Variants in RNF150 observed in about 807,000 individuals in gnomAD.
The protein encoded by RNF150 is ring finger protein 150.
Under a neutral mutation model 39.3 loss-of-function variants are expected in RNF150, and 24 were observed. The ratio of observed to expected loss-of-function variants is 0.61; its 90% CI spans 0.44 to 0.86. The LOEUF is 0.86. Ranked by LOEUF, RNF150 falls within the 40% of genes least tolerant of loss-of-function variation. The probability of loss-of-function intolerance (pLI) is 0.00; values close to 1 mark genes in which losing one functional copy is unlikely to be tolerated. For missense variants in RNF150, 502 were observed against 587.8 expected (o/e 0.85, Z 1.51); for synonymous variants, 255 against 227.3 (o/e 1.12, Z -1.10).
intron 1 of RNF150, among the ~76,000 whole-genome samples, chr4:141,194,029 T>C (rs2111206107): frequency 6.6e-6 from 1 of 152,354 alleles, no homozygotes; most frequent in Non-Finnish European, 1.5e-5. Context: ...CACATGGTTT[T>C]ATAAAACTTG....
intron 6 of RNF150, among the ~76,000 whole-genome samples, chr4:140,870,519 T>A (rs1728888895): frequency 6.6e-6 from 1 of 152,100 alleles, no homozygotes; most frequent in Non-Finnish European, 1.5e-5. Context: ...CAGAGCCACC[T>A]GGTGCCTTTG....
At chr4:140,965,020 G>A (rs1216105718) in intron 2 of RNF150, among the ~76,000 whole-genome samples, 4 of 151,986 alleles carry the variant, frequency 2.6e-5, no homozygotes, top group African/African-American at 9.7e-5. Flanking sequence ...AAAAAATAAT[G>A]TCAGCTCTCT....
At chr4:140,927,124 T>A (rs1432760567) in intron 4 of RNF150, among the ~76,000 whole-genome samples, 1 of 152,144 alleles carries the variant, frequency 6.6e-6, no homozygotes, top group African/African-American at 2.4e-5. Flanking sequence ...TACCTCCAAA[T>A]CAGAGAAGAG....
chr4:141,176,545 A>C (rs1014202254), intron 1 of RNF150, among the ~76,000 whole-genome samples: 2 of 152,196 alleles, frequency 1.3e-5, no homozygotes, highest in African/African-American at 4.8e-5. Flanking sequence ...AAAGCAGGTA[A>C]AAATCTGATG....
chr4:141,048,538 C>T (rs1387045195), intron 1 of RNF150, among the ~76,000 whole-genome samples: 1 of 152,064 alleles, frequency 6.6e-6, no homozygotes, highest in Admixed American at 6.6e-5. Context: ...TGAGACCATC[C>T]TGAACAACAT....
chr4:141,051,059 G>A (rs1736758810), intron 1 of RNF150, among the ~76,000 whole-genome samples: 1 of 152,142 alleles, frequency 6.6e-6, no homozygotes, highest in African/African-American at 2.4e-5. Context: ...TGACTTCTGT[G>A]CACCCACAGG....
intron 6 of RNF150, among the ~76,000 whole-genome samples, chr4:140,878,465 G>A (rs1387248598): frequency 1.3e-5 from 2 of 152,100 alleles, no homozygotes; most frequent in East Asian, 3.9e-4. Flanking sequence ...AAACCACTGT[G>A]CCTGGCCTCA....
intron 5 of RNF150, among the ~76,000 whole-genome samples, chr4:140,915,538 T>A (rs1220205701): frequency 6.6e-6 from 1 of 152,252 alleles, no homozygotes; most frequent in African/African-American, 2.4e-5. Flanking sequence ...TATGCCTTCA[T>A]GCTTTGTGAG....
At chr4:140,996,848 G>C (rs1734395418) in intron 1 of RNF150, 1 of 152,244 alleles carries the variant, frequency 6.6e-6, no homozygotes, top group African/African-American at 2.4e-5. Context: ...GAGAAAAGCA[G>C]TCATCAGGAA....
intron 1 of RNF150, among the ~76,000 whole-genome samples, chr4:140,976,635 C>T (rs1733674589): frequency 6.6e-6 from 1 of 151,820 alleles, no homozygotes; most frequent in African/African-American, 2.4e-5. Context: ...CAGTCATGCC[C>T]ACCCTATTAC....
rs1043368105 is a variant in RNF150, at chr4:141,176,995, T to C, written c.-6+35799A>G. On this transcript the variant is annotated intron_variant, in intron 1 of 7. Coordinates refer to the RNF150 transcript ENST00000420921. The stretch of plus-strand genomic sequence containing the variant: ...TTTTGGGAGGCCAAGGCAGGAGAAT[T>C]GCTTGAGGCCAAGAGTTTGAGACCA... Among the ~76,000 whole-genome samples, 3 of 147,954 alleles carry C rather than the reference T, an allele frequency of 2.0e-5. No individual in the cohort carries two copies. In the South Asian group the frequency reaches 6.4e-4, roughly 31 times the overall value.
intron 6 of RNF150, among the ~76,000 whole-genome samples, chr4:140,889,003 C>T (rs528107749): frequency 1.3e-5 from 2 of 152,032 alleles, no homozygotes; most frequent in East Asian, 3.9e-4. Flanking sequence ...TTTACTATGT[C>T]AGTGCTGAGA....
chr4:140,899,330 C>T (rs1308699010), intron 6 of RNF150, among the ~76,000 whole-genome samples: 1 of 152,134 alleles, frequency 6.6e-6, no homozygotes, highest in South Asian at 2.1e-4. Flanking sequence ...CTATGTAAAA[C>T]CTTGCCATAT....
At chr4:140,917,909 A>C (rs185995869) in intron 5 of RNF150, among the ~76,000 whole-genome samples, 1 of 152,152 alleles carries the variant, frequency 6.6e-6, no homozygotes, top group East Asian at 1.9e-4. Context: ...GCTCCACTAC[A>C]TGGAAACTGA....
intron 1 of RNF150, among the ~76,000 whole-genome samples, chr4:141,188,850 A>C (rs933915363): frequency 6.6e-6 from 1 of 152,044 alleles, no homozygotes; most frequent in African/African-American, 2.4e-5. Context: ...AGAGGTTTTT[A>C]TTACCCACCT....
chr4:141,003,836 C>T lies in RNF150; in HGVS notation c.485-35963G>A, dbSNP rs139439663. Among the ~76,000 whole-genome samples, 23 of 152,244 alleles carry T rather than the reference C, an allele frequency of 1.5e-4. 1 individual carries two copies. Among genetic ancestry groups the T allele is most frequent in the African/African-American group, 5.5e-4 (23 of 41,538 alleles). ...ACATTCTCTTCTCCTTACAGATTTC[C>T]TCACTCTCATCTTCCTTGAGTGAGT... On this transcript the variant is annotated intron_variant, in intron 1 of 6. Transcript: ENST00000515673.
At chr4:141,046,042 C>T (rs913994272) in intron 1 of RNF150, among the ~76,000 whole-genome samples, 13 of 151,922 alleles carry the variant, frequency 8.6e-5, no homozygotes, top group African/African-American at 2.2e-4. Context: ...AGAAAAATGA[C>T]GTCATAGGAA....
intron 6 of RNF150, among the ~76,000 whole-genome samples, chr4:140,888,752 G>A (rs1469745927): frequency 6.6e-6 from 1 of 152,152 alleles, no homozygotes; most frequent in African/African-American, 2.4e-5. Flanking sequence ...GGCTGATAAA[G>A]CTGAAAGAGA....
rs182628993 is a variant in RNF150 at position 141,168,786 on chromosome 4, G to A, written c.-6+44008C>T. Among the ~76,000 whole-genome samples the A allele has an allele frequency of 2.0e-3, 311 of 152,212 alleles. 1 individual carries two copies. The highest frequency in any genetic ancestry group is 7.2e-3 in the African/African-American group (298 of 41,528). ...AGGGAGGGGAACATCACACACCAGCGCCTGTCAGGGGGTGGGGAGTTAGGG... is the reference window on the plus strand; with the variant it reads ...AGGGAGGGGAACATCACACACCAGCACCTGTCAGGGGGTGGGGAGTTAGGG... On this transcript the variant is annotated intron_variant, in intron 1 of 7. Transcript: ENST00000420921.
Sources: allele counts gnomAD v4.1 joint callset (sites outside exome capture counted in the v4.1 genomes callset), GRCh38; gene constraint gnomAD v4.1.1; transcripts MANE v1.5; gene names NCBI Gene and HGNC (gene_info 2026-07-23, HGNC 2026-07-21).